PRKG1: variants seen among roughly 807,000 people sequenced by gnomAD.
PRKG1 encodes protein kinase cGMP-dependent 1.
In PRKG1, 35 loss-of-function variants were observed where a neutral mutation model predicts 88.1. The ratio of observed to expected loss-of-function variants is 0.40; its 90% CI spans 0.30 to 0.53. PRKG1 has a LOEUF of 0.53. Ranked by LOEUF, PRKG1 falls within the 20% of genes least tolerant of loss-of-function variation. The probability of loss-of-function intolerance (pLI) is 0.59; values close to 1 mark genes in which losing one functional copy is unlikely to be tolerated. For synonymous variants in PRKG1, 303 were observed against 292.5 expected (o/e 1.04, Z -0.37); for missense variants, 540 against 839.8 (o/e 0.64, Z 4.41).
intron 5 of PRKG1, among the ~76,000 whole-genome samples, chr10:51,986,775 T>A (rs1435852757): frequency 6.6e-6 from 1 of 152,190 alleles, no homozygotes; most frequent in African/African-American, 2.4e-5. Context: ...TATGAGATAC[T>A]GGGACTTGCC....
At chr10:52,274,537 A>G (rs1841820665) in intron 12 of PRKG1, among the ~76,000 whole-genome samples, 2 of 143,932 alleles carry the variant, frequency 1.4e-5, no homozygotes, top group South Asian at 5.0e-4. Flanking sequence ...ATATATATAC[A>G]CACACACACA....
chr10:52,172,139 A>AT (rs1421692220), intron 9 of PRKG1, among the ~76,000 whole-genome samples: 2 of 152,162 alleles, frequency 1.3e-5, no homozygotes, highest in Non-Finnish European at 2.9e-5. Context: ...CCATTTGCTA[A>AT]TTTTTGCTCT....
chr10:52,162,133 A>G (rs796342870), intron 9 of PRKG1, among the ~76,000 whole-genome samples, 170 bp downstream of exon 9: 5 of 152,264 alleles, frequency 3.3e-5, no homozygotes, highest in African/African-American at 1.2e-4. Context: ...ATGCTTACCT[A>G]GGAGTATGTC....
In PRKG1 at chr10:51,764,147, G is replaced by C. The variant is rs539941692; in HGVS notation, c.593-40438G>C. On this transcript the variant is annotated intron_variant, in intron 3 of 17. Coordinates refer to ENST00000373980, the MANE Select transcript of PRKG1 (RefSeq NM_006258.4). ...CTTGCTTTTTCCTTCAGGATTACAG[G>C]CTTTTCCCTCAGAACACAAACAGGA... Among the ~76,000 whole-genome samples the C allele has an allele frequency of 2.9e-4, 44 of 152,180 alleles. No individual in the cohort carries two copies. The East Asian group carries it at 8.3e-3, about 29-fold the overall frequency.
intron 9 of PRKG1, among the ~76,000 whole-genome samples, chr10:52,248,235 A>G: frequency 6.6e-6 from 1 of 152,226 alleles, no homozygotes; most frequent in Non-Finnish European, 1.5e-5. Flanking sequence ...ACAGTGCTGC[A>G]GAGATTTTGT....
chr10:51,060,853 G>A (rs2132782966), intron 1 of PRKG1, among the ~76,000 whole-genome samples: 1 of 152,096 alleles, frequency 6.6e-6, no homozygotes, highest in Middle Eastern at 3.4e-3. Context: ...TATTTTCAAA[G>A]GATATTTTTG....
intron 4 of PRKG1, among the ~76,000 whole-genome samples, chr10:51,831,775 C>T (rs1429417387): frequency 6.6e-6 from 1 of 152,106 alleles, no homozygotes; most frequent in Non-Finnish European, 1.5e-5. Context: ...TCTGAGAACT[C>T]CATGCTTCTT....
chr10:51,664,920 T>G (rs1307015865), intron 3 of PRKG1, among the ~76,000 whole-genome samples: 1 of 152,170 alleles, frequency 6.6e-6, no homozygotes, highest in African/African-American at 2.4e-5. Context: ...GCTTCATTAT[T>G]GTTATAAGAG....
chr10:51,374,093 A>AAAAAAAAAT, intron 2 of PRKG1, among the ~76,000 whole-genome samples: 1 of 100,142 alleles, frequency 1.0e-5, no homozygotes. Context: ...AAAAAAAAAA[A>AAAAAAAAAT]ATATATATAT....
rs117726134 is a variant in PRKG1, at chr10:51,455,851, G to A, written c.479-11872G>A. ...TCTAGGAAGTTCCAAACTTTCCCAC[G>A]TTTATCTGTCTTCTTCTGAGCCCTG... On this transcript the variant is annotated intron_variant, in intron 2 of 17. Coordinates refer to ENST00000373980, the MANE Select transcript of PRKG1 (RefSeq NM_006258.4). 3.3e-4 allele frequency among the ~76,000 whole-genome samples: 50 copies of A among 152,186 alleles called. No individual in the cohort carries two copies. The East Asian group carries it at 9.7e-3, about 29-fold the overall frequency.
At chr10:52,205,261 C>T (rs953734921) in intron 9 of PRKG1, among the ~76,000 whole-genome samples, 49 of 152,100 alleles carry the variant, frequency 3.2e-4, no homozygotes, top group African/African-American at 1.1e-3. Context: ...AGCATATGAC[C>T]TCTGTGACCC....
intron 1 of PRKG1, among the ~76,000 whole-genome samples, chr10:51,021,651 A>T (rs150870062): frequency 6.6e-6 from 1 of 152,274 alleles, no homozygotes; most frequent in East Asian, 1.9e-4. Context: ...ATCTTCTATC[A>T]ACTAAAAATA....
chr10:51,897,206 C>T (rs998987779), intron 4 of PRKG1, among the ~76,000 whole-genome samples: 2 of 152,266 alleles, frequency 1.3e-5, no homozygotes, highest in East Asian at 3.9e-4. Flanking sequence ...GGTTGAGGAC[C>T]TTTAATCCTT....
chr10:51,897,332 A>G lies in PRKG1; in HGVS notation c.699-10175A>G, dbSNP rs142698194. ...ATACTTGTCAATGTTGGTGGCACTA[A>G]TTTGATGCAGAGATGATTTCTTATA... is the stretch of plus-strand genomic sequence containing the variant. On this transcript the variant is annotated intron_variant, in intron 4 of 17. Transcript: ENST00000373980. Among the ~76,000 whole-genome samples the G allele has an allele frequency of 6.2e-3, 947 of 152,244 alleles. 7 individuals carry two copies. The highest frequency in any genetic ancestry group is 9.8e-3 in the Non-Finnish European group (667 of 68,008).
At chr10:51,865,088 A>T (rs1205939450) in intron 4 of PRKG1, among the ~76,000 whole-genome samples, 1 of 152,138 alleles carries the variant, frequency 6.6e-6, no homozygotes, top group Non-Finnish European at 1.5e-5. Flanking sequence ...ATTCTCAGAG[A>T]AATTTATAAA....
At chr10:51,784,526 C>A (rs997727988) in intron 3 of PRKG1, among the ~76,000 whole-genome samples, 3 of 152,000 alleles carry the variant, frequency 2.0e-5, no homozygotes, top group African/African-American at 7.2e-5. Context: ...CTAAGGAAAC[C>A]AGAATAGTTT....
At chr10:51,524,620 C>T (rs1373509920) in intron 3 of PRKG1, among the ~76,000 whole-genome samples, 1 of 152,098 alleles carries the variant, frequency 6.6e-6, no homozygotes, top group African/African-American at 2.4e-5. Flanking sequence ...CTGGAGTTGT[C>T]CCACGGCCAT....
chr10:52,214,741 C>T (rs1840066557), intron 9 of PRKG1, among the ~76,000 whole-genome samples: 1 of 152,034 alleles, frequency 6.6e-6, no homozygotes, highest in Non-Finnish European at 1.5e-5. Flanking sequence ...TTAATGCCCC[C>T]CAAAGGAATT....
At chr10:51,794,168 A>AT (rs1301314119) in intron 3 of PRKG1, among the ~76,000 whole-genome samples, 1 of 152,204 alleles carries the variant, frequency 6.6e-6, no homozygotes, top group East Asian at 1.9e-4. Flanking sequence ...TTGTAAATAT[A>AT]TATGCACCCA....
Sources: allele counts gnomAD v4.1 joint callset (sites outside exome capture counted in the v4.1 genomes callset), GRCh38; gene constraint gnomAD v4.1.1; transcripts MANE v1.5; gene names NCBI Gene and HGNC (gene_info 2026-07-23, HGNC 2026-07-21).